KCNH1: variants seen among roughly 807,000 people sequenced by gnomAD.
KCNH1 encodes voltage-gated delayed rectifier potassium channel KCNH1.
Under a neutral mutation model 69.2 loss-of-function variants are expected in KCNH1, and 27 were observed. The ratio of observed to expected loss-of-function variants is 0.39; its 90% confidence interval spans 0.29 to 0.54. The LOEUF (loss-of-function observed/expected upper bound fraction) is 0.54. KCNH1 is among the 20% of genes least tolerant of loss of function. The pLI is 0.68. For missense variants in KCNH1, 798 were observed against 1,261.6 expected (o/e 0.63, Z 5.57); for synonymous variants, 456 against 487.7 (o/e 0.93, Z 0.86).
intron 7 of KCNH1, among the ~76,000 whole-genome samples, chr1:210,907,472 C>T (rs1197965593): frequency 6.6e-6 from 1 of 151,768 alleles, no homozygotes. Flanking sequence ...GAATGCAGCC[C>T]CACCCAGTGT....
At chr1:210,753,654 A>AT (rs775480675) in intron 10 of KCNH1, among the ~76,000 whole-genome samples, 46 of 152,128 alleles carry the variant, frequency 3.0e-4, no homozygotes, top group Non-Finnish European at 5.4e-4. Context: ...GTAGGCATGG[A>AT]TTTTTTGTAA....
intron 7 of KCNH1, among the ~76,000 whole-genome samples, chr1:210,856,245 T>C (rs745567186): frequency 2.0e-5 from 3 of 152,196 alleles, no homozygotes; most frequent in Admixed American, 6.5e-5. Flanking sequence ...GGGAGGGATG[T>C]TTCATGTAGC....
chr1:210,769,723 C>T lies in KCNH1; in HGVS notation c.2112+5625G>A, dbSNP rs117454728. On this transcript the variant is annotated intron_variant, in intron 10 of 10. Coordinates refer to ENST00000271751, the MANE Select transcript of KCNH1 (RefSeq NM_172362.3). ...AATTGTGGTACATTGCTTCTACTGT[C>T]CTAATGATCAGCAGGAGAACGTAAT... 2.6e-5 allele frequency among the ~76,000 whole-genome samples: 4 copies of T among 152,290 alleles called. No homozygotes were observed. In the East Asian group the frequency reaches 7.7e-4, roughly 29 times the overall value.
rs373051050 is a variant in KCNH1, at chr1:211,046,305, T to C, written c.559-27049A>G. On this transcript the variant is annotated intron_variant, in intron 5 of 10. Transcript: ENST00000271751. ...ATCATGATATAGACAAGAACGGATA[T>C]GTTATGTTCTAGGTTCATATTCTAA... Among the ~76,000 whole-genome samples, 3 of 152,286 alleles carry C rather than the reference T, an allele frequency of 2.0e-5. No homozygotes were observed. In the East Asian group the frequency reaches 5.8e-4, roughly 29 times the overall value.
chr1:211,024,060 A>G lies in KCNH1; in HGVS notation c.559-4804T>C, dbSNP rs925120280. Among the ~76,000 whole-genome samples the G allele has an allele frequency of 2.6e-5, 4 of 152,220 alleles. No individual in the cohort carries two copies. The East Asian group carries it at 7.7e-4, about 29-fold the overall frequency. On this transcript the variant is annotated intron_variant, in intron 5 of 10. Coordinates refer to ENST00000271751, the MANE Select transcript of KCNH1 (RefSeq NM_172362.3). ...AAAATATCATGTGTACTCCATAAACATATATAATTATGTATCAATTAAAAA... is the reference window on the plus strand; with the variant it reads ...AAAATATCATGTGTACTCCATAAACGTATATAATTATGTATCAATTAAAAA...
chr1:210,888,598 C>CA (rs1178848458), intron 7 of KCNH1, among the ~76,000 whole-genome samples: 3 of 151,926 alleles, frequency 2.0e-5, no homozygotes, highest in East Asian at 1.9e-4. Flanking sequence ...AAAAACCCTT[C>CA]AAAAAAATCA....
chr1:211,121,117 T>C (rs1691675392), intron 1 of KCNH1, among the ~76,000 whole-genome samples: 1 of 152,220 alleles, frequency 6.6e-6, no homozygotes, highest in African/African-American at 2.4e-5. Context: ...AAGTAATTTA[T>C]AGATTCAATG....
intron 6 of KCNH1, among the ~76,000 whole-genome samples, chr1:210,969,667 T>G (rs1688476523): frequency 6.6e-6 from 1 of 152,114 alleles, no homozygotes; most frequent in Non-Finnish European, 1.5e-5. Context: ...CTCACCAAAG[T>G]TTTATCATTT....
At chr1:210,948,926 C>T (rs1688013766) in intron 6 of KCNH1, among the ~76,000 whole-genome samples, 1 of 151,712 alleles carries the variant, frequency 6.6e-6, no homozygotes, top group South Asian at 2.1e-4. Context: ...ATTTGAATTT[C>T]ATATCATTTT....
chr1:211,046,829 T>C (rs1690101481), intron 5 of KCNH1, among the ~76,000 whole-genome samples: 1 of 152,208 alleles, frequency 6.6e-6, no homozygotes, highest in African/African-American at 2.4e-5. Context: ...AAACTTAAGT[T>C]GCACAAAGCT....
chr1:211,116,417 G>A (rs1301449343), intron 1 of KCNH1, among the ~76,000 whole-genome samples: 1 of 152,170 alleles, frequency 6.6e-6, no homozygotes, highest in African/African-American at 2.4e-5. Flanking sequence ...AGTACTCTGA[G>A]TTTGGTAGGA....
At chr1:210,779,916 A>C (rs1683943518) in intron 9 of KCNH1, among the ~76,000 whole-genome samples, 1 of 152,188 alleles carries the variant, frequency 6.6e-6, no homozygotes, top group Admixed American at 6.5e-5. Flanking sequence ...TCCACAAAAC[A>C]TAGGTAGGAA....
At chr1:210,852,647 T>A (rs10863864) in intron 7 of KCNH1, among the ~76,000 whole-genome samples, 35,596 of 151,900 alleles carry the variant, frequency 0.23, 4,336 homozygotes, top group African/African-American at 0.32. Flanking sequence ...ACCACCAAAG[T>A]CAAGGATGCA....
intron 4 of KCNH1, 63 bp downstream of exon 4, chr1:211,090,499 A>G (rs1229657179): frequency 2.1e-6 from 3 of 1,458,218 alleles, no homozygotes; most frequent in African/African-American, 1.4e-5. Flanking sequence ...AATGCTCTGT[A>G]ACAAGAGCCA....
rs148005147 is a variant in KCNH1 at position 210,997,667 on chromosome 1, C to T, written c.1032+21116G>A. Among the ~76,000 whole-genome samples the T allele has an allele frequency of 5.7e-3, 875 of 152,250 alleles. 13 individuals carry two copies. Among genetic ancestry groups the T allele is most frequent in the African/African-American group, 0.02 (829 of 41,534 alleles). On this transcript the variant is annotated intron_variant, in intron 6 of 10. Transcript: ENST00000271751. ...GATTCAGGAAATACAGGGAATGCCA[C>T]AAAGATACTCCTCGAGAAGAGCAAC...
chr1:210,787,405 A>G (rs1553343083), intron 9 of KCNH1, among the ~76,000 whole-genome samples: 2 of 152,116 alleles, frequency 1.3e-5, no homozygotes, highest in South Asian at 2.1e-4. Flanking sequence ...TCTTGGCTCT[A>G]TGTTATAAAA....
chr1:210,728,073 T>C (rs760167032), intron 10 of KCNH1, among the ~76,000 whole-genome samples: 1 of 152,170 alleles, frequency 6.6e-6, no homozygotes, highest in Non-Finnish European at 1.5e-5. Context: ...ACATCAAATA[T>C]CTACTGAATC....
intron 5 of KCNH1, among the ~76,000 whole-genome samples, chr1:211,071,308 T>C (rs543662392): frequency 1.5e-3 from 226 of 152,294 alleles, no homozygotes; most frequent in Non-Finnish European, 2.1e-3. Flanking sequence ...GTTATCAAGG[T>C]TTATGATATT....
chr1:210,761,249 C>CAAAAAAAAA lies in KCNH1; in HGVS notation c.2112+14090_2112+14098dup, dbSNP rs58988658. Among the ~76,000 whole-genome samples, 2 of 37,090 alleles carry CAAAAAAAAA rather than the reference C, an allele frequency of 5.4e-5. 1 individual carries two copies. The highest frequency in any genetic ancestry group is 2.2e-4 in the African/African-American group (2 of 9,028). 24.3% of individuals were successfully genotyped at this position (37,090 alleles called of 152,430 possible). ...CCTGGGCGACAGAGCGAGACTCCGTCAAAAAAAAAAAAAAAAAAAAAAAAA... is the reference window on the plus strand; with the variant it reads ...CCTGGGCGACAGAGCGAGACTCCGTCAAAAAAAAAAAAAAAAAAAAAAAAAAAAAAAAAA... On this transcript the variant is annotated intron_variant, in intron 10 of 10. Transcript: ENST00000271751.
Sources: gnomAD v4.1 joint callset for allele counts (sites outside exome capture counted in the v4.1 genomes callset) on GRCh38, gnomAD v4.1.1 for gene constraint, MANE v1.5 for transcripts, NCBI Gene and HGNC (gene_info 2026-07-23, HGNC 2026-07-21) for gene names.